BPHL: variants seen among roughly 807,000 people sequenced by gnomAD.
BPHL encodes biphenyl hydrolase like.
BPHL carries 27 observed loss-of-function variants against 31.2 expected under a neutral mutation model. The ratio of observed to expected loss-of-function variants is 0.87; its 90% CI spans 0.64 to 1.19. The LOEUF is 1.19. Among genes scored for constraint, BPHL ranks in the 50% most tolerant of loss-of-function variants. BPHL has a pLI of 0.00. For synonymous variants in BPHL, 150 were observed against 146.8 expected, an observed-to-expected ratio of 1.02 and a Z score of -0.16; for missense variants, 356 against 375.7, an observed-to-expected ratio of 0.95 and a Z score of 0.43.
Position 3,127,184 on chromosome 6 carries a change from T to C in BPHL, c.212-58T>C, listed in dbSNP as rs1266147163. On this transcript the variant is annotated intron_variant, in intron 2 of 6. Transcript: ENST00000380379. ...AGATTGTTATTGCTTCTGTTTTCAC[T>C]GTAATGTGTTTGATAGTGAAAGCGA... is the stretch of plus-strand genomic sequence containing the variant. The C allele has an allele frequency of 3.4e-6, 4 of 1,182,040 alleles. No homozygotes were observed. The Admixed American group carries it at 7.3e-5, about 22-fold the overall frequency. 73.2% of individuals were successfully genotyped at this position (1,182,040 alleles called of 1,614,324 possible). A position where few individuals can be genotyped will look rare whatever the true frequency, so the allele number is the denominator to read the frequency against.
chr6:3,151,222 T>C (rs1762514912), intron 6 of BPHL, among the ~76,000 whole-genome samples: 1 of 152,228 alleles, frequency 6.6e-6, no homozygotes, highest in East Asian at 1.9e-4. Flanking sequence ...CAATTCGTTC[T>C]TTCCTGTTTC....
chr6:3,118,851 A>C lies in BPHL; in HGVS notation c.107+4A>C. 1 of 1,236,990 alleles carries C rather than the reference A, an allele frequency of 8.1e-7. No individual in the cohort carries two copies. The highest frequency in any genetic ancestry group is 3.2e-5 in the East Asian group (1 of 31,656). The allele number at this position is 1,236,990 out of a possible 1,614,324, so 76.6% of individuals were successfully genotyped here. On this transcript the variant is annotated splice_donor_region_variant and intron_variant, in intron 1 of 6. Transcript: ENST00000380379. ...CCGGACCCGCGGCCGCGTTCGGGTA[A>C]TGGCGGCCACCTCGCCCCGGGGATC...
intron 2 of BPHL, among the ~76,000 whole-genome samples, chr6:3,124,569 T>A (rs1420690347): frequency 6.7e-6 from 1 of 149,510 alleles, no homozygotes; most frequent in Non-Finnish European, 1.5e-5. Flanking sequence ...TGTTCTCCTG[T>A]ATACTTTAAG....
chr6:3,121,291 CTTTTTT>C (rs67332286), intron 1 of BPHL, among the ~76,000 whole-genome samples: 95 of 80,394 alleles, frequency 1.2e-3, no homozygotes, highest in African/African-American at 4.7e-3. Flanking sequence ...ATAGCAGTTT[CTTTTTT>C]TTTTTTTTTT....
Position 3,118,867 on chromosome 6 carries a change from C to T in BPHL, c.107+20C>T, listed in dbSNP as rs1761468714. 2 of 1,233,900 alleles carry T rather than the reference C, an allele frequency of 1.6e-6. No homozygotes were observed. The highest frequency in any genetic ancestry group is 2.8e-4 in the Middle Eastern group (1 of 3,572). The allele number at this position is 1,233,900 out of a possible 1,614,324, so 76.4% of individuals were successfully genotyped here. A position where few individuals can be genotyped will look rare whatever the true frequency, so the allele number is the denominator to read the frequency against. On this transcript the variant is annotated intron_variant, in intron 1 of 6. Coordinates refer to ENST00000380379, the MANE Select transcript of BPHL (RefSeq NM_004332.4). Reference sequence around the variant, plus strand: ...GTTCGGGTAATGGCGGCCACCTCGCCCCGGGGATCCCCAGCATCGGCGCGC... The same window carrying T: ...GTTCGGGTAATGGCGGCCACCTCGCTCCGGGGATCCCCAGCATCGGCGCGC...
rs67332286 is a variant in BPHL at position 3,121,291 on chromosome 6, C to CTTT, written c.108-2341_108-2339dup. ...ACATACAATATGATAATAGCAGTTT[C>CTTT]TTTTTTTTTTTTTTTTTTTTTTTTT... On this transcript the variant is annotated intron_variant, in intron 1 of 6. Transcript: ENST00000380379. 6.2e-4 allele frequency among the ~76,000 whole-genome samples: 50 copies of CTTT among 80,394 alleles called. 1 individual carries two copies. Among genetic ancestry groups the CTTT allele is most frequent in the Non-Finnish European group, 9.2e-4 (38 of 41,428 alleles). 52.7% of individuals were successfully genotyped at this position (80,394 alleles called of 152,430 possible). A position where few individuals can be genotyped will look rare whatever the true frequency, so the allele number is the denominator to read the frequency against.
chr6:3,129,149 C>G lies in BPHL; in HGVS notation c.483C>G (p.Ile161Met). Reference sequence around the variant, plus strand: ...CATCTTACATCCACAAGATGGTGATCTGGGGCGCCAACGCCTACGTCACTG... The same window carrying G: ...CATCTTACATCCACAAGATGGTGATGTGGGGCGCCAACGCCTACGTCACTG... Reference protein sequence around the residue: ...KYPSYIHKMVIWGANAYVTDE... With the variant: ...KYPSYIHKMVMWGANAYVTDE... The change falls in exon 4 of 7, where the codon ATC becomes ATG. Residue 161 changes from isoleucine to methionine, a missense_variant. Physicochemically the swap from Ile to Met is conservative, Grantham distance 10. Transcript: ENST00000380379. 6.2e-7 allele frequency: 1 copy of G among 1,611,180 alleles called. No homozygotes were observed. The highest frequency in any genetic ancestry group is 2.2e-5 in the East Asian group (1 of 44,858).
chr6:3,119,489 C>T lies in BPHL; in HGVS notation c.107+642C>T, dbSNP rs746845298. ...GGAATCTGCTTTATTCTCTTTTGTC[C>T]TCCCACCTGTCCCCCCATTTCAGGT... is the stretch of plus-strand genomic sequence containing the variant. On this transcript the variant is annotated intron_variant, in intron 1 of 6. Coordinates refer to ENST00000380379, the MANE Select transcript of BPHL (RefSeq NM_004332.4). 5.0e-6 allele frequency: 8 copies of T among 1,613,960 alleles called. No individual in the cohort carries two copies. In the South Asian group the frequency reaches 7.7e-5, roughly 16 times the overall value.
intron 4 of BPHL, among the ~76,000 whole-genome samples, chr6:3,132,866 C>T (rs994185760): frequency 1.3e-5 from 2 of 152,044 alleles, no homozygotes; most frequent in Non-Finnish European, 2.9e-5. Flanking sequence ...AAGAAAAAAA[C>T]AGAAAGAAAA....
chr6:3,130,194 C>T (rs1009263), intron 4 of BPHL, among the ~76,000 whole-genome samples: 7,659 of 152,276 alleles, frequency 0.05, 438 homozygotes, highest in African/African-American at 0.13. Flanking sequence ...GTGCAGCCCA[C>T]GTACCAATCG....
At chr6:3,146,888 T>G (rs1762400373) in intron 6 of BPHL, among the ~76,000 whole-genome samples, 3 of 148,258 alleles carry the variant, frequency 2.0e-5, no homozygotes, top group South Asian at 2.2e-4. Flanking sequence ...TTTGGGCGAG[T>G]GCTGGTTCGG....
intron 6 of BPHL, among the ~76,000 whole-genome samples, chr6:3,145,599 GGAGTGCTGGTTTGGGTC>G (rs2113774191): frequency 1.7e-5 from 1 of 58,328 alleles, no homozygotes; most frequent in Admixed American, 1.4e-4. Context: ...GGTTTGGGTC[GGAGTGCTGGTTTGGGTC>G]GAGTGCTGGT....
intron 1 of BPHL, among the ~76,000 whole-genome samples, chr6:3,122,300 TAAA>T (rs1761599137): frequency 6.6e-6 from 1 of 151,830 alleles, no homozygotes; most frequent in Admixed American, 6.6e-5. Context: ...TAAATAAAAA[TAAA>T]AATAAAAGGA....
rs543137649 is a variant in BPHL at position 3,137,645 on chromosome 6, A to G, written c.664+152A>G. The G allele has an allele frequency of 5.0e-5, 61 of 1,226,236 alleles. 1 individual carries two copies. In the South Asian group the frequency reaches 9.0e-4, roughly 18 times the overall value. 76.0% of individuals were successfully genotyped at this position (1,226,236 alleles called of 1,614,324 possible). ...GAACAGAGAATACTAGTTCTTGTGT[A>G]CTGTGCCAGTTCTTGGGCAGTCAAT... On this transcript the variant is annotated intron_variant, in intron 5 of 6. Transcript: ENST00000380379.
intron 5 of BPHL, chr6:3,138,184 A>AT (rs11307799): frequency 1.2e-4 from 43 of 346,604 alleles, no homozygotes; most frequent in Middle Eastern, 2.1e-3. Context: ...ACACAGGCAC[A>AT]TTTTTTTTGT....
At chr6:3,119,672 G>T (rs563892892) in intron 1 of BPHL, among the ~76,000 whole-genome samples, 3 of 152,254 alleles carry the variant, frequency 2.0e-5, no homozygotes, top group East Asian at 1.9e-4. Context: ...GCAAACACAC[G>T]TATACAACGA....
chr6:3,145,650 G>T (rs567913659), intron 6 of BPHL, among the ~76,000 whole-genome samples: 2,504 of 57,202 alleles, frequency 0.044, 654 homozygotes, highest in African/African-American at 0.16. Context: ...CTGGTTCGGG[G>T]TGGAGTGCTG....
chr6:3,138,528 CAT>C (rs1762077051), intron 5 of BPHL: 1 of 152,494 alleles, frequency 6.6e-6, no homozygotes, highest in Admixed American at 6.5e-5. Flanking sequence ...CAATTTGATC[CAT>C]TAGGTAATCA....
At chr6:3,142,199 A>T (rs1762197680) in intron 6 of BPHL, among the ~76,000 whole-genome samples, 1 of 151,338 alleles carries the variant, frequency 6.6e-6, no homozygotes, top group South Asian at 2.1e-4. Flanking sequence ...GCTCACTGCA[A>T]CCTCTGCCTC....
Sources: allele counts gnomAD v4.1 joint callset (sites outside exome capture counted in the v4.1 genomes callset), GRCh38; gene constraint gnomAD v4.1.1; transcripts MANE v1.5; gene names NCBI Gene and HGNC (gene_info 2026-07-23, HGNC 2026-07-21).